The following ASTN1 variants were observed in gnomAD, a reference collection of about 807,000 sequenced individuals.
ASTN1 encodes astrotactin 1.
ASTN1 carries 41 observed loss-of-function variants against 140.7 expected under a neutral mutation model. That is an observed-to-expected ratio of 0.29 (90% CI 0.23 to 0.38). ASTN1 has a LOEUF of 0.38. Among genes scored for constraint, ASTN1 ranks in the 10% least tolerant of loss-of-function variants. The pLI, the probability that ASTN1 is intolerant of heterozygous loss-of-function variation, is 1.00. For missense variants in ASTN1, 1,479 were observed against 1,678.8 expected, an observed-to-expected ratio of 0.88 and a Z score of 2.08; for synonymous variants, 640 against 652.2, an observed-to-expected ratio of 0.98 and a Z score of 0.29.
rs148722284 is a variant in ASTN1, at chr1:176,942,820, G to GTATATATATATA, written c.2377+1059_2377+1070dup. The stretch of plus-strand genomic sequence containing the variant: ...CCAAACCAATGTACTTTGTGTGTGT[G>GTATATATATATA]TATATATATATATATGTATATATAT... On this transcript the variant is annotated intron_variant, in intron 14 of 22. Coordinates refer to ENST00000361833, the MANE Select transcript of ASTN1 (RefSeq NM_004319.3). Among the ~76,000 whole-genome samples the GTATATATATATA allele has an allele frequency of 1.9e-3, 48 of 25,310 alleles. 12 individuals are homozygous for GTATATATATATA. The highest frequency in any genetic ancestry group is 3.9e-3 in the East Asian group (2 of 516). 16.6% of individuals were successfully genotyped at this position (25,310 alleles called of 152,430 possible). A position where few individuals can be genotyped will look rare whatever the true frequency, so the allele number is the denominator to read the frequency against.
At chr1:176,941,733 C>A (rs1033294088) in intron 14 of ASTN1, among the ~76,000 whole-genome samples, 2 of 152,214 alleles carry the variant, frequency 1.3e-5, no homozygotes, top group Admixed American at 1.3e-4. Flanking sequence ...TTCTCTCCAC[C>A]ATAAGTTATA....
At chr1:177,003,811 TAA>T (rs544621736) in intron 8 of ASTN1, among the ~76,000 whole-genome samples, 6 of 131,368 alleles carry the variant, frequency 4.6e-5, no homozygotes, top group Admixed American at 7.8e-5. Flanking sequence ...AGACTCTGTC[TAA>T]AAAAAAAAAA....
chr1:177,051,839 G>C (rs77203395), intron 2 of ASTN1, among the ~76,000 whole-genome samples: 1 of 152,114 alleles, frequency 6.6e-6, no homozygotes, highest in Non-Finnish European at 1.5e-5. Context: ...TTGTGAATGA[G>C]AGTAATAACA....
At chr1:176,933,094 G>T (rs1671278084) in intron 16 of ASTN1, among the ~76,000 whole-genome samples, 1 of 152,224 alleles carries the variant, frequency 6.6e-6, no homozygotes, top group Admixed American at 6.5e-5. Context: ...GGGAATGAAG[G>T]ACTGCAGCCA....
intron 5 of ASTN1, chr1:177,029,232 T>A (rs10753142): frequency 0.36 from 161,919 of 443,776 alleles, 32,044 homozygotes; most frequent in Middle Eastern, 0.48. Flanking sequence ...CTTGCCTAGC[T>A]CAAACCCAAG....
At chr1:177,023,705 T>C in intron 6 of ASTN1, 134 bp from the exon 7 acceptor site, 1 of 1,031,718 alleles carries the variant, frequency 9.7e-7, no homozygotes. Flanking sequence ...TCCTAGCCCA[T>C]CATTAGCCCC....
chr1:177,112,863 T>C (rs1203549103), intron 1 of ASTN1, among the ~76,000 whole-genome samples: 2 of 152,154 alleles, frequency 1.3e-5, no homozygotes, highest in African/African-American at 4.8e-5. Flanking sequence ...ATTAATTTTT[T>C]CCCCACATCA....
intron 17 of ASTN1, among the ~76,000 whole-genome samples, chr1:176,888,535 A>T (rs951003591): frequency 2.0e-5 from 3 of 152,108 alleles, no homozygotes; most frequent in Non-Finnish European, 4.4e-5. Flanking sequence ...TAGAAAAAAA[A>T]TTACGCCTCT....
intron 1 of ASTN1, among the ~76,000 whole-genome samples, chr1:177,139,715 G>C (rs1036427224): frequency 6.6e-6 from 1 of 152,108 alleles, no homozygotes; most frequent in African/African-American, 2.4e-5. Context: ...TGTCTACAGA[G>C]AGCATCAAGA....
Position 176,894,670 on chromosome 1 carries a change from G to C in ASTN1, c.2832C>G (p.Pro944=). ...CAGGGCTGGATGTCACATGACACAGGGGGCAGGACGAGGGGCATCGTCCCT... is the reference window on the plus strand; with the variant it reads ...CAGGGCTGGATGTCACATGACACAGCGGGCAGGACGAGGGGCATCGTCCCT... The part of the protein sequence containing the change: ...HSKGRCPSSC[P]LCHVTSSPDT... The change falls in exon 17 of 23, where the codon CCC becomes CCG. Residue 944 remains proline (P), a synonymous_variant. Coordinates refer to ENST00000361833, the MANE Select transcript of ASTN1 (RefSeq NM_004319.3). 1 of 1,614,126 alleles carries C rather than the reference G, an allele frequency of 6.2e-7. No homozygotes were observed. The highest frequency in any genetic ancestry group is 8.5e-7 in the Non-Finnish European group (1 of 1,180,030).
Position 176,862,509 on chromosome 1 carries a change from T to C in ASTN1, c.*1775A>G, listed in dbSNP as rs61746567. 5.8e-4 allele frequency: 576 copies of C among 985,418 alleles called. 3 individuals are homozygous for C. In the African/African-American group the frequency reaches 9.3e-3, roughly 16 times the overall value. 61.0% of individuals were successfully genotyped at this position (985,418 alleles called of 1,614,324 possible). On this transcript the variant is annotated 3_prime_UTR_variant, in exon 23 of 23. Transcript: ENST00000361833. ...GAAAGGTAAAGCTCTCTGGGCAGGT[T>C]CCCTGTGGGGCTGAGAGCTTGGACA...
intron 16 of ASTN1, among the ~76,000 whole-genome samples, chr1:176,903,217 T>C (rs1214917567): frequency 6.6e-6 from 1 of 152,166 alleles, no homozygotes; most frequent in Non-Finnish European, 1.5e-5. Flanking sequence ...TGGGGGAGTA[T>C]GGGAGACCAA....
chr1:176,965,295 C>A, intron 8 of ASTN1, 58 bp from the exon 9 acceptor site: 1 of 1,562,892 alleles, frequency 6.4e-7, no homozygotes, highest in South Asian at 1.1e-5. Context: ...ACTGAACACC[C>A]ACTTCGTATC....
In ASTN1 at chr1:176,861,767, A is replaced by T. The variant is rs1667970413; in HGVS notation, c.*2517T>A. On this transcript the variant is annotated 3_prime_UTR_variant, in exon 23 of 23. Coordinates refer to ENST00000361833, the MANE Select transcript of ASTN1 (RefSeq NM_004319.3). ...AGGAGGAAGAAAGTCTTGGGGAAAG[A>T]GGAGGCCAAAAAAGGAGGGTCACAG... 1.0e-6 allele frequency: 1 copy of T among 985,528 alleles called. No individual in the cohort carries two copies. Among genetic ancestry groups the T allele is most frequent in the East Asian group, 1.1e-4 (1 of 8,810 alleles). The allele number at this position is 985,528 out of a possible 1,614,324, so 61.0% of individuals were successfully genotyped here.
intron 5 of ASTN1, chr1:177,029,329 CA>C: frequency 1.7e-6 from 1 of 584,490 alleles, no homozygotes. Flanking sequence ...GTCTGAACAG[CA>C]AAATATGACT....
intron 1 of ASTN1, among the ~76,000 whole-genome samples, chr1:177,087,227 T>C (rs1679517904): frequency 6.6e-6 from 1 of 152,144 alleles, no homozygotes; most frequent in Non-Finnish European, 1.5e-5. Context: ...ATGACACAGA[T>C]GATGAAGGGT....
chr1:176,969,105 C>T (rs1395541582), intron 8 of ASTN1, among the ~76,000 whole-genome samples: 1 of 152,146 alleles, frequency 6.6e-6, no homozygotes, highest in Non-Finnish European at 1.5e-5. Context: ...AGAGGAAAGG[C>T]CTCTGTATTT....
rs901087328 is a variant in ASTN1, at chr1:176,888,475, C to T, written c.2941-271G>A. ...GCCACTTTGGCAGCAAGTCATATTC[C>T]GCCCTCCATCTGTCTCATATACCAC... On this transcript the variant is annotated intron_variant, in intron 17 of 22. Coordinates refer to ENST00000361833, the MANE Select transcript of ASTN1 (RefSeq NM_004319.3). 5.3e-5 allele frequency among the ~76,000 whole-genome samples: 8 copies of T among 152,224 alleles called. No homozygotes were observed. The East Asian group carries it at 7.7e-4, about 15-fold the overall frequency.
chr1:176,933,524 G>A (rs1266892864), intron 16 of ASTN1, among the ~76,000 whole-genome samples: 1 of 152,162 alleles, frequency 6.6e-6, no homozygotes, highest in Non-Finnish European at 1.5e-5. Flanking sequence ...ATACCAGAGG[G>A]TGAATCAAGA....
Sources: gnomAD v4.1 joint callset for allele counts (sites outside exome capture counted in the v4.1 genomes callset) on GRCh38, gnomAD v4.1.1 for gene constraint, MANE v1.5 for transcripts, NCBI Gene and HGNC (gene_info 2026-07-23, HGNC 2026-07-21) for gene names.